ACBD3: variants seen among roughly 807,000 people sequenced by gnomAD.
ACBD3 encodes the protein acyl-CoA binding domain containing 3, also known as Golgi resident protein GCP60.
Under a neutral mutation model 66.9 loss-of-function variants are expected in ACBD3, and 30 were observed. That is an observed-to-expected ratio of 0.45 (90% CI 0.34 to 0.61). ACBD3 has a LOEUF of 0.61. Among genes scored for constraint, ACBD3 ranks in the 20% least tolerant of loss-of-function variants. The pLI, the probability that ACBD3 is intolerant of heterozygous loss-of-function variation, is 0.02. For missense variants in ACBD3, 544 were observed against 664.5 expected (o/e 0.82, Z 1.99); for synonymous variants, 278 against 259.8 (o/e 1.07, Z -0.68).
intron 5 of ACBD3, among the ~76,000 whole-genome samples, chr1:226,156,153 C>T (rs1179792533): frequency 6.6e-6 from 1 of 152,222 alleles, no homozygotes; most frequent in Non-Finnish European, 1.5e-5. Context: ...TATCTGCATC[C>T]AGAATATTCC....
chr1:226,171,338 G>A (rs909066939), intron 1 of ACBD3, among the ~76,000 whole-genome samples: 12 of 151,830 alleles, frequency 7.9e-5, no homozygotes, highest in Admixed American at 2.0e-4. Flanking sequence ...TAGTAGGGAC[G>A]AGGTTTTACC....
At chr1:226,160,688 C>T (rs1659755513) in intron 4 of ACBD3, among the ~76,000 whole-genome samples, 1 of 152,164 alleles carries the variant, frequency 6.6e-6, no homozygotes, top group African/African-American at 2.4e-5. Context: ...GCCATGCCAC[C>T]CCTACAAACT....
Position 226,186,633 on chromosome 1 carries a change from C to A in ACBD3, c.43G>T (p.Asp15Tyr). 1 of 1,512,500 alleles carries A rather than the reference C, an allele frequency of 6.6e-7. No individual in the cohort carries two copies. Among genetic ancestry groups the A allele is most frequent in the Non-Finnish European group, 8.8e-7 (1 of 1,137,702 alleles). 93.7% of individuals were successfully genotyped at this position (1,512,500 alleles called of 1,614,324 possible). A position where few individuals can be genotyped will look rare whatever the true frequency, so the allele number is the denominator to read the frequency against. ...LNAERLEVSV[D>Y]GLTLSPDPEE... Reference sequence around the variant, plus strand: ...GGGTCCGGGCTGAGCGTGAGGCCGTCGACGGACACCTCGAGTCGCTCTGCG... The same window carrying A: ...GGGTCCGGGCTGAGCGTGAGGCCGTAGACGGACACCTCGAGTCGCTCTGCG... The change falls in exon 1 of 8, where the codon GAC (aspartate) becomes TAC (tyrosine). Residue 15 changes from aspartate to tyrosine, a missense_variant. Asp to Tyr is a radical substitution (Grantham distance 160). Coordinates refer to ENST00000366812, the MANE Select transcript of ACBD3 (RefSeq NM_022735.4).
At position 226,150,912 on chromosome 1, in the gene ACBD3, T is replaced by C. The variant is rs571828827; in HGVS notation, c.1375+1423A>G. ...AATCTGCAAGATGTACTGAAATTTC[T>C]GGGATACTCTGATGGTTCATGTAGA... is the stretch of plus-strand genomic sequence containing the variant. On this transcript the variant is annotated intron_variant, in intron 7 of 7. Transcript: ENST00000366812. Among the ~76,000 whole-genome samples the C allele has an allele frequency of 2.0e-5, 3 of 152,362 alleles. No individual in the cohort carries two copies. In the South Asian group the frequency reaches 6.2e-4, roughly 32 times the overall value.
chr1:226,155,417 C>CAAA (rs66832924), intron 5 of ACBD3, among the ~76,000 whole-genome samples: 2 of 107,828 alleles, frequency 1.9e-5, no homozygotes, highest in South Asian at 6.7e-4. Flanking sequence ...AACTCCATCT[C>CAAA]AAAAAAAAAA....
intron 1 of ACBD3, among the ~76,000 whole-genome samples, chr1:226,169,885 G>T (rs1300605262): frequency 2.0e-5 from 3 of 151,672 alleles, no homozygotes; most frequent in Non-Finnish European, 4.4e-5. Flanking sequence ...AGCTGGGTGT[G>T]GTGGTACAGC....
At chr1:226,171,337 C>T (rs773642270) in intron 1 of ACBD3, among the ~76,000 whole-genome samples, 102 of 151,708 alleles carry the variant, frequency 6.7e-4, no homozygotes, top group Non-Finnish European at 1.1e-3. Context: ...TTAGTAGGGA[C>T]GAGGTTTTAC....
At chr1:226,151,812 C>A (rs754654318) in intron 7 of ACBD3, among the ~76,000 whole-genome samples, 17 of 152,026 alleles carry the variant, frequency 1.1e-4, no homozygotes, top group Non-Finnish European at 2.5e-4. Context: ...TCGAGACCAG[C>A]CTGACCAACA....
chr1:226,152,464 G>T lies in ACBD3; in HGVS notation c.1246C>A (p.Leu416Ile), dbSNP rs748837461. The T allele has an allele frequency of 2.5e-6, 4 of 1,614,184 alleles. No homozygotes were observed. The South Asian group carries it at 4.4e-5, about 18-fold the overall frequency. Residue 416 changes from leucine (L) to isoleucine (I), a missense_variant, in exon 7 of 8, where the codon CTC becomes ATC. Coordinates refer to ENST00000366812, the MANE Select transcript of ACBD3 (RefSeq NM_022735.4). ...RVPTHEEGSY[L>I]FWEFATDNYD... ...TTGTCTGTGGCAAATTCCCAAAAGA[G>T]ATATGATCCTTCTTCATGGGTGGGT...
chr1:226,153,199 T>C (rs1011159394), intron 6 of ACBD3, among the ~76,000 whole-genome samples: 1 of 152,174 alleles, frequency 6.6e-6, no homozygotes, highest in Non-Finnish European at 1.5e-5. Context: ...GACTATGCAA[T>C]AAGTTTTTCA....
In ACBD3 at chr1:226,152,555, C is replaced by G. The variant is rs1310695108; in HGVS notation, c.1155G>C (p.Glu385Asp). Residue 385 changes from glutamate (E) to aspartate (D), a missense_variant, in exon 7 of 8, where the codon GAG (glutamate) becomes GAC (aspartate). Around this residue, in one of 3 missense-constraint regions of ACBD3, gnomAD observed 383 missense variants for 462.4 expected, o/e 0.83. Coordinates refer to ENST00000366812, the MANE Select transcript of ACBD3 (RefSeq NM_022735.4). ...CGGAATCTGCATCCTGCTGAATCTT[C>G]TCTTTGAAGTCTTTGATCTGAGGTC... Reference protein sequence around the residue: ...WTRPQIKDFKEKIQQDADSVI... With the variant: ...WTRPQIKDFKDKIQQDADSVI... The G allele has an allele frequency of 2.5e-6, 4 of 1,614,222 alleles. No homozygotes were observed. In the Admixed American group the frequency reaches 6.7e-5, roughly 27 times the overall value.
At chr1:226,163,630 T>G (rs1408193604) in intron 3 of ACBD3, among the ~76,000 whole-genome samples, 1 of 152,190 alleles carries the variant, frequency 6.6e-6, no homozygotes, top group Non-Finnish European at 1.5e-5. Context: ...GCTGTAAACA[T>G]AAAAATTGTA....
In ACBD3 at chr1:226,146,599, T is replaced by TA; in HGVS notation, c.*10dup. ...GCCCAACCCTAGACTCCAGACTTTG[T>TA]AACAACATTTTTATCTAGTATAATA... On this transcript the variant is annotated 3_prime_UTR_variant, in exon 8 of 8. Transcript: ENST00000366812. 1 of 1,610,738 alleles carries TA rather than the reference T, an allele frequency of 6.2e-7. No individual in the cohort carries two copies.
chr1:226,155,991 A>T (rs997998197), intron 5 of ACBD3, among the ~76,000 whole-genome samples: 1 of 152,240 alleles, frequency 6.6e-6, no homozygotes, highest in African/African-American at 2.4e-5. Flanking sequence ...ATACTACTTC[A>T]AATATCTGAG....
At chr1:226,164,227 A>G (rs1267655064) in intron 3 of ACBD3, among the ~76,000 whole-genome samples, 5 of 152,088 alleles carry the variant, frequency 3.3e-5, no homozygotes, top group Non-Finnish European at 7.3e-5. Flanking sequence ...TGATGAAAAT[A>G]TAGCCACTAG....
Position 226,172,155 on chromosome 1 carries a change from C to CAAAAAAAAAAAAAAAAAAAA in ACBD3, c.287-6156_287-6155insTTTTTTTTTTTTTTTTTTTT, listed in dbSNP as rs779380166. 2.5e-4 allele frequency among the ~76,000 whole-genome samples: 11 copies of CAAAAAAAAAAAAAAAAAAAA among 43,222 alleles called. 1 individual carries two copies. In the East Asian group the frequency reaches 7.3e-3, roughly 29 times the overall value. 28.4% of individuals were successfully genotyped at this position (43,222 alleles called of 152,430 possible). ...GGGAAACAAGAGCAAAACTCCATCT[C>CAAAAAAAAAAAAAAAAAAAA]AAAAAAAAAAAAAAAGAGGAATACA... On this transcript the variant is annotated intron_variant, in intron 1 of 7. Coordinates refer to ENST00000366812, the MANE Select transcript of ACBD3 (RefSeq NM_022735.4).
intron 4 of ACBD3, among the ~76,000 whole-genome samples, chr1:226,160,911 TCA>T (rs765463946): frequency 2.0e-5 from 3 of 152,224 alleles, no homozygotes; most frequent in East Asian, 1.9e-4. Context: ...CAACTGGGTC[TCA>T]CAGATTCCAG....
At chr1:226,158,748 G>A (rs1659719927) in intron 5 of ACBD3, among the ~76,000 whole-genome samples, 1 of 152,208 alleles carries the variant, frequency 6.6e-6, no homozygotes, top group South Asian at 2.1e-4. Flanking sequence ...CTAACACAAA[G>A]TCAAATGGAC....
At chr1:226,159,585 T>C (rs1488152946) in intron 4 of ACBD3, among the ~76,000 whole-genome samples, 1 of 152,208 alleles carries the variant, frequency 6.6e-6, no homozygotes, top group Admixed American at 6.5e-5. Flanking sequence ...GGATGGAAGA[T>C]AAGCATATGA....
Sources: allele counts gnomAD v4.1 joint callset (sites outside exome capture counted in the v4.1 genomes callset), GRCh38; gene constraint gnomAD v4.1.1; regional missense constraint gnomAD v4.1.1; transcripts MANE v1.5; gene names NCBI Gene and HGNC (gene_info 2026-07-23, HGNC 2026-07-21).